PBX3: variants seen among roughly 807,000 people sequenced by gnomAD.
PBX3 encodes the protein PBX homeobox 3.
In PBX3, 14 loss-of-function variants were observed where a neutral mutation model predicts 48.5. That is an observed-to-expected ratio of 0.29 (90% CI 0.19 to 0.45). The LOEUF is 0.45. Ranked by LOEUF, PBX3 falls within the 20% of genes least tolerant of loss-of-function variation. The probability of loss-of-function intolerance (pLI) is 1.00; values close to 1 mark genes in which losing one functional copy is unlikely to be tolerated. For missense variants in PBX3, 386 were observed against 546.7 expected, an observed-to-expected ratio of 0.71 and a Z score of 2.93; for synonymous variants, 210 against 200.3, an observed-to-expected ratio of 1.05 and a Z score of -0.41.
rs10987050 is a variant in PBX3, at chr9:125,938,218, G to A, written c.843+2611G>A. Among the ~76,000 whole-genome samples, 87 of 152,302 alleles carry A rather than the reference G, an allele frequency of 5.7e-4. 1 individual carries two copies. In the East Asian group the frequency reaches 0.016, roughly 28 times the overall value. Reference sequence around the variant, plus strand: ...TGTAAGGCAATATCTTTAGTGCTGTGAGGGCAGGCTAGAATTCCTTAAACA... The same window carrying A: ...TGTAAGGCAATATCTTTAGTGCTGTAAGGGCAGGCTAGAATTCCTTAAACA... On this transcript the variant is annotated intron_variant, in intron 5 of 8. Coordinates refer to ENST00000373489, the MANE Select transcript of PBX3 (RefSeq NM_006195.6).
intron 2 of PBX3, among the ~76,000 whole-genome samples, chr9:125,752,739 C>G (rs1420198185): frequency 6.6e-6 from 1 of 152,010 alleles, no homozygotes; most frequent in African/African-American, 2.4e-5. Context: ...TCAATTTTTT[C>G]AAGTGAAAAT....
At chr9:125,907,399 A>G (rs73667288) in intron 2 of PBX3, among the ~76,000 whole-genome samples, 5,814 of 152,130 alleles carry the variant, frequency 0.038, 392 homozygotes, top group African/African-American at 0.13. Context: ...ATAATGTTCC[A>G]TTTTCACCAA....
intron 2 of PBX3, among the ~76,000 whole-genome samples, chr9:125,835,645 A>C (rs557433621): frequency 6.6e-6 from 1 of 152,364 alleles, no homozygotes; most frequent in South Asian, 2.1e-4. Context: ...GAGAAATGCA[A>C]ATCAAACCCA....
At chr9:125,818,208 CA>C (rs374269822) in intron 2 of PBX3, among the ~76,000 whole-genome samples, 8,852 of 139,766 alleles carry the variant, frequency 0.063, 597 homozygotes, top group East Asian at 0.18. Flanking sequence ...TCAAAAAAAC[CA>C]AAAAAAAAAC....
chr9:125,850,106 C>G lies in PBX3; in HGVS notation c.275-65580C>G, dbSNP rs551592961. Among the ~76,000 whole-genome samples, 13 of 152,106 alleles carry G rather than the reference C, an allele frequency of 8.5e-5. No homozygotes were observed. In the South Asian group the frequency reaches 2.7e-3, roughly 32 times the overall value. ...TTAACTGTGATTTTGACGTCTTAGTCTATTTCTTTTGATAATTAATGCTAC... is the reference window on the plus strand; with the variant it reads ...TTAACTGTGATTTTGACGTCTTAGTGTATTTCTTTTGATAATTAATGCTAC... On this transcript the variant is annotated intron_variant, in intron 2 of 8. Coordinates refer to ENST00000373489, the MANE Select transcript of PBX3 (RefSeq NM_006195.6).
chr9:125,807,358 A>G (rs1838156873), intron 2 of PBX3, among the ~76,000 whole-genome samples: 1 of 150,822 alleles, frequency 6.6e-6, no homozygotes, highest in South Asian at 2.1e-4. Context: ...AGAAAATATT[A>G]ACAGAAGGAG....
chr9:125,766,651 GAC>G (rs1390560111), intron 2 of PBX3, among the ~76,000 whole-genome samples: 2 of 152,050 alleles, frequency 1.3e-5, no homozygotes, highest in East Asian at 1.9e-4. Context: ...ACATTTTGCT[GAC>G]ACAGAATATT....
At chr9:125,896,426 A>C (rs1038816644) in intron 2 of PBX3, among the ~76,000 whole-genome samples, 3 of 152,054 alleles carry the variant, frequency 2.0e-5, no homozygotes, top group Non-Finnish European at 4.4e-5. Context: ...TTCCAACTCA[A>C]AGGGCATACC....
At chr9:125,910,837 A>G (rs1456422882) in intron 2 of PBX3, among the ~76,000 whole-genome samples, 2 of 151,822 alleles carry the variant, frequency 1.3e-5, no homozygotes, top group African/African-American at 4.8e-5. Flanking sequence ...CTACAAAATA[A>G]CATGACTATT....
At chr9:125,793,224 C>T (rs1837663682) in intron 2 of PBX3, among the ~76,000 whole-genome samples, 3 of 149,920 alleles carry the variant, frequency 2.0e-5, no homozygotes, top group African/African-American at 4.9e-5. Context: ...TGGTGGTGGG[C>T]GCCTGTAGTC....
intron 2 of PBX3, among the ~76,000 whole-genome samples, chr9:125,798,482 C>A (rs1440546497): frequency 4.8e-5 from 7 of 145,410 alleles, no homozygotes; most frequent in Non-Finnish European, 9.0e-5. Flanking sequence ...TTCCTCTTAT[C>A]CCCACCTCCC....
rs1838949611 is a variant in PBX3 at position 125,831,074 on chromosome 9, GTTT to G, written c.274+82454_274+82456del. Among the ~76,000 whole-genome samples the G allele has an allele frequency of 2.6e-5, 4 of 152,092 alleles. 1 individual carries two copies. The highest frequency in any genetic ancestry group is 2.6e-4 in the Admixed American group (4 of 15,280). The stretch of plus-strand genomic sequence containing the variant: ...ATTGACTTGCTGAAAAAATCAGAAT[GTTT>G]TTCCTGTAGAATGCCCCAATTCTAG... On this transcript the variant is annotated intron_variant, in intron 2 of 8. Coordinates refer to ENST00000373489, the MANE Select transcript of PBX3 (RefSeq NM_006195.6).
At chr9:125,888,056 A>T (rs1177520619) in intron 2 of PBX3, among the ~76,000 whole-genome samples, 2 of 152,176 alleles carry the variant, frequency 1.3e-5, no homozygotes, top group African/African-American at 4.8e-5. Context: ...TAATAGATAG[A>T]CTTCTACTAC....
intron 2 of PBX3, among the ~76,000 whole-genome samples, chr9:125,831,978 G>A (rs554715794): frequency 1.2e-4 from 19 of 152,242 alleles, no homozygotes; most frequent in Admixed American, 6.5e-4. Flanking sequence ...AGCCTTAAGG[G>A]TACTTATTGC....
At chr9:125,962,016 C>T (rs1257623103) in intron 6 of PBX3, 86 bp from the exon 7 acceptor site, 8 of 681,886 alleles carry the variant, frequency 1.2e-5, no homozygotes, top group African/African-American at 1.1e-4. Flanking sequence ...CCCTTCTGTA[C>T]TTTTTCTCAT....
intron 2 of PBX3, among the ~76,000 whole-genome samples, chr9:125,760,695 C>G (rs1475530560): frequency 1.3e-5 from 2 of 152,058 alleles, no homozygotes; most frequent in African/African-American, 4.8e-5. Context: ...TCTGATTGTG[C>G]CAAAATGAAC....
chr9:125,882,426 A>C (rs1164452751), intron 2 of PBX3, among the ~76,000 whole-genome samples: 1 of 152,224 alleles, frequency 6.6e-6, no homozygotes, highest in African/African-American at 2.4e-5. Flanking sequence ...CGTTAAATAT[A>C]TAAAAGCTGA....
chr9:125,841,323 G>A (rs1037473445), intron 2 of PBX3, among the ~76,000 whole-genome samples: 3 of 152,294 alleles, frequency 2.0e-5, no homozygotes, highest in Non-Finnish European at 4.4e-5. Context: ...ATTTGTGGCA[G>A]TGTTTTTAAA....
At chr9:125,889,757 C>T (rs958633129) in intron 2 of PBX3, among the ~76,000 whole-genome samples, 2 of 150,448 alleles carry the variant, frequency 1.3e-5, no homozygotes, top group African/African-American at 4.9e-5. Context: ...CGCGCCGCGG[C>T]GGGGAGCGGG....
Sources: gnomAD v4.1 joint callset for allele counts (sites outside exome capture counted in the v4.1 genomes callset) on GRCh38, gnomAD v4.1.1 for gene constraint, MANE v1.5 for transcripts, NCBI Gene and HGNC (gene_info 2026-07-23, HGNC 2026-07-21) for gene names.